The following KCNH7 variants were observed in gnomAD, a reference collection of about 807,000 sequenced individuals.
KCNH7 encodes voltage-gated inwardly rectifying potassium channel KCNH7.
Under a neutral mutation model 120.8 loss-of-function variants are expected in KCNH7, and 49 were observed. The observed-to-expected ratio is 0.41, with a 90% CI of 0.32 to 0.51. The LOEUF is 0.51. Ranked by LOEUF, KCNH7 falls within the 20% of genes least tolerant of loss-of-function variation. The pLI, the probability that KCNH7 is intolerant of heterozygous loss-of-function variation, is 0.38. For missense variants in KCNH7, 1,097 were observed against 1,446.6 expected, an observed-to-expected ratio of 0.76 and a Z score of 3.92; for synonymous variants, 547 against 516.1, an observed-to-expected ratio of 1.06 and a Z score of -0.81.
chr2:162,394,392 T>C lies in KCNH7; in HGVS notation c.2707A>G (p.Lys903Glu). ...RKLSFESEGE[K>E]ENSTNDPEDS... ...CTTTAGGAATGGAATGAATTACCTT[T>C]CTCTCCTTCACTTTCAAATGACAAT... The change falls in exon 12 of 16, where the codon AAA (lysine) becomes GAA (glutamate). Residue 903 changes from lysine (K) to glutamate (E), a missense_variant. By Grantham distance (56) the Lys-to-Glu change is moderately conservative. This residue lies in a region of KCNH7 where 406 missense variants were observed against 410.5 expected (regional missense o/e 0.99). Transcript: ENST00000332142. The C allele has an allele frequency of 6.5e-7, 1 of 1,527,580 alleles. No homozygotes were observed. The highest frequency in any genetic ancestry group is 1.7e-4 in the Middle Eastern group (1 of 5,876). 94.6% of individuals were successfully genotyped at this position (1,527,580 alleles called of 1,614,324 possible). A position where few individuals can be genotyped will look rare whatever the true frequency, so the allele number is the denominator to read the frequency against.
At position 162,394,014 on chromosome 2, in the gene KCNH7, T is replaced by C. The variant is rs893243652; in HGVS notation, c.2710+375A>G. Among the ~76,000 whole-genome samples the C allele has an allele frequency of 1.3e-5, 2 of 151,980 alleles. 1 individual carries two copies. The highest frequency in any genetic ancestry group is 3.9e-4 in the East Asian group (2 of 5,152). ...TCTGAGGATGAGAAGGACTAACAAA[T>C]GTGGCCTTCATCCATGTCATGCATG... is the stretch of plus-strand genomic sequence containing the variant. On this transcript the variant is annotated intron_variant, in intron 12 of 15. Transcript: ENST00000332142.
chr2:162,703,138 G>A (rs189896476), intron 2 of KCNH7, among the ~76,000 whole-genome samples: 3 of 152,154 alleles, frequency 2.0e-5, no homozygotes, highest in East Asian at 1.9e-4. Context: ...AATAAGTATA[G>A]TATTTTGAGA....
At chr2:162,721,888 A>G (rs1687334703) in intron 2 of KCNH7, among the ~76,000 whole-genome samples, 1 of 152,128 alleles carries the variant, frequency 6.6e-6, no homozygotes, top group Non-Finnish European at 1.5e-5. Context: ...GAATAACTTT[A>G]AGTCCTACAA....
At chr2:162,704,469 T>C (rs921269005) in intron 2 of KCNH7, among the ~76,000 whole-genome samples, 6 of 152,176 alleles carry the variant, frequency 3.9e-5, no homozygotes, top group African/African-American at 1.4e-4. Context: ...TGTATAGAAA[T>C]TACAGCATCT....
At chr2:162,575,686 G>A (rs575694528) in intron 2 of KCNH7, among the ~76,000 whole-genome samples, 14 of 152,142 alleles carry the variant, frequency 9.2e-5, no homozygotes, top group Middle Eastern at 3.4e-3. Flanking sequence ...TCAGGTTCTG[G>A]CCACTATTAT....
At chr2:162,394,278 C>T in intron 12 of KCNH7, 111 bp downstream of exon 12, 1 of 713,814 alleles carries the variant, frequency 1.4e-6, no homozygotes. Flanking sequence ...ATCTGCCCTC[C>T]TAAAGCCTGA....
At chr2:162,448,149 A>G (rs1234055305) in intron 6 of KCNH7, among the ~76,000 whole-genome samples, 1 of 152,120 alleles carries the variant, frequency 6.6e-6, no homozygotes, top group Non-Finnish European at 1.5e-5. Context: ...ACACACATAT[A>G]TAAGTATATG....
intron 2 of KCNH7, among the ~76,000 whole-genome samples, chr2:162,651,534 T>A (rs984368572): frequency 2.6e-5 from 4 of 152,118 alleles, no homozygotes; most frequent in Admixed American, 2.6e-4. Flanking sequence ...AAATACACAA[T>A]CTTTTTTTTA....
At chr2:162,518,845 T>C (rs919889374) in intron 3 of KCNH7, among the ~76,000 whole-genome samples, 1 of 150,290 alleles carries the variant, frequency 6.7e-6, no homozygotes, top group African/African-American at 2.4e-5. Flanking sequence ...TTGGATAGTA[T>C]GGCATATAAT....
chr2:162,559,865 T>G (rs2105876409), intron 2 of KCNH7, among the ~76,000 whole-genome samples: 1 of 152,314 alleles, frequency 6.6e-6, no homozygotes, highest in African/African-American at 2.4e-5. Context: ...ATTTAATAGA[T>G]GGAGTTCTGA....
At chr2:162,571,137 C>T (rs1421733328) in intron 2 of KCNH7, among the ~76,000 whole-genome samples, 1 of 151,702 alleles carries the variant, frequency 6.6e-6, no homozygotes, top group Non-Finnish European at 1.5e-5. Context: ...GATTGTATAT[C>T]TAGAAAACCC....
chr2:162,723,638 A>G (rs982659775), intron 2 of KCNH7, among the ~76,000 whole-genome samples: 2 of 152,170 alleles, frequency 1.3e-5, no homozygotes, highest in Non-Finnish European at 1.5e-5. Context: ...ATAAATCCCA[A>G]TGTTGATCAA....
chr2:162,517,741 T>C lies in KCNH7; in HGVS notation c.881A>G (p.His294Arg). The change falls in exon 4 of 16, where the codon CAT becomes CGT. Residue 294 changes from histidine to arginine, a missense_variant. His to Arg is a conservative substitution (Grantham distance 29). Coordinates refer to ENST00000332142, the MANE Select transcript of KCNH7 (RefSeq NM_033272.4). ...VHPKNIFRDR[H>R]ASEDNGRNVK... ...AAAATCAAACATACCTTCGCTGGCA[T>C]GTCGGTCTCTAAATATGTTCTTGGG... The C allele has an allele frequency of 6.4e-7, 1 of 1,560,176 alleles. No individual in the cohort carries two copies. Among genetic ancestry groups the C allele is most frequent in the Middle Eastern group, 1.7e-4 (1 of 5,824 alleles).
chr2:162,799,519 A>T lies in KCNH7; in HGVS notation c.307+37018T>A, dbSNP rs150250624. Among the ~76,000 whole-genome samples, 68 of 152,164 alleles carry T rather than the reference A, an allele frequency of 4.5e-4. 1 individual carries two copies. The highest frequency in any genetic ancestry group is 1.6e-3 in the African/African-American group (66 of 41,550). ...TCTTTAATATTTAGAATACTGTTTC[A>T]TGATCATTATAAATATTTATAAGTA... is the stretch of plus-strand genomic sequence containing the variant. On this transcript the variant is annotated intron_variant, in intron 2 of 15. Coordinates refer to ENST00000332142, the MANE Select transcript of KCNH7 (RefSeq NM_033272.4).
At chr2:162,779,350 G>A (rs1683388032) in intron 2 of KCNH7, among the ~76,000 whole-genome samples, 4 of 151,946 alleles carry the variant, frequency 2.6e-5, no homozygotes, top group Admixed American at 2.6e-4. Context: ...ACAGGCATGT[G>A]CCACCAAGCC....
chr2:162,591,344 C>T (rs1694211188), intron 2 of KCNH7, among the ~76,000 whole-genome samples: 1 of 151,880 alleles, frequency 6.6e-6, no homozygotes, highest in South Asian at 2.1e-4. Flanking sequence ...TATAACTGTG[C>T]CCAGCATATT....
chr2:162,631,285 T>C (rs1218502037), intron 2 of KCNH7, among the ~76,000 whole-genome samples: 1 of 152,088 alleles, frequency 6.6e-6, no homozygotes, highest in Non-Finnish European at 1.5e-5. Flanking sequence ...CTCTTTACAT[T>C]TACATTTTAC....
chr2:162,573,325 G>T lies in KCNH7; in HGVS notation c.308-36245C>A, dbSNP rs185610827. Among the ~76,000 whole-genome samples, 5 of 152,132 alleles carry T rather than the reference G, an allele frequency of 3.3e-5. No individual in the cohort carries two copies. The East Asian group carries it at 9.7e-4, about 30-fold the overall frequency. ...GTAGCTCATTCTTTAATATGACAGT[G>T]TCTAACCACTCAAGGGCTGAAGAAG... On this transcript the variant is annotated intron_variant, in intron 2 of 15. Coordinates refer to ENST00000332142, the MANE Select transcript of KCNH7 (RefSeq NM_033272.4).
chr2:162,658,194 AT>A (rs1156272516), intron 2 of KCNH7, among the ~76,000 whole-genome samples: 1 of 151,116 alleles, frequency 6.6e-6, no homozygotes, highest in African/African-American at 2.4e-5. Context: ...AATTATTGTT[AT>A]TTTTTTATTT....
Sources: allele counts gnomAD v4.1 joint callset (sites outside exome capture counted in the v4.1 genomes callset), GRCh38; gene constraint gnomAD v4.1.1; regional missense constraint gnomAD v4.1.1; transcripts MANE v1.5; gene names NCBI Gene and HGNC (gene_info 2026-07-23, HGNC 2026-07-21).